SV2C: variants seen among roughly 807,000 people sequenced by gnomAD.
SV2C encodes the protein synaptic vesicle glycoprotein 2C.
In SV2C, 49 loss-of-function variants were observed where a neutral mutation model predicts 79.7. That is an observed-to-expected ratio of 0.61 (90% CI 0.49 to 0.78). The LOEUF (loss-of-function observed/expected upper bound fraction) is 0.78, where lower values mean the gene tolerates loss of function less well. Among genes scored for constraint, SV2C ranks in the 30% least tolerant of loss-of-function variants. SV2C has a pLI of 0.00. For missense variants in SV2C, 833 were observed against 912.9 expected (o/e 0.91, Z 1.13); for synonymous variants, 334 against 333.2 (o/e 1.00, Z -0.03).
At chr5:75,948,992 C>A in the SV2C span, among the ~76,000 whole-genome samples, 1 of 151,810 alleles carries the variant, frequency 6.6e-6, no homozygotes, top group Non-Finnish European at 1.5e-5. Flanking sequence ...GGAGATGGAG[C>A]CTGGTGGGAG....
At chr5:75,945,480 T>C in the SV2C span, among the ~76,000 whole-genome samples, 1 of 151,348 alleles carries the variant, frequency 6.6e-6, no homozygotes. Flanking sequence ...CCAAGCTAAT[T>C]ATTATTATTA....
intron 2 of SV2C, among the ~76,000 whole-genome samples, chr5:76,179,551 G>A (rs1054459652): frequency 3.3e-5 from 5 of 152,220 alleles, no homozygotes; most frequent in Admixed American, 6.5e-5. Flanking sequence ...AACAGCTTCA[G>A]TACTGTAGGT....
the SV2C span, among the ~76,000 whole-genome samples, chr5:75,956,306 A>G: frequency 6.8e-6 from 1 of 147,602 alleles, no homozygotes; most frequent in Admixed American, 6.8e-5. Context: ...ACAAAAAACC[A>G]AACACTGCAT....
intron 1 of SV2C, among the ~76,000 whole-genome samples, chr5:76,090,447 A>G (rs998998955): frequency 1.3e-5 from 2 of 152,144 alleles, no homozygotes; most frequent in African/African-American, 2.4e-5. Flanking sequence ...CCTGAGATGC[A>G]TGGCTTATAA....
Position 76,133,367 on chromosome 5 carries a change from A to G in SV2C, c.580+1037A>G, listed in dbSNP as rs377031040. On this transcript the variant is annotated intron_variant, in intron 2 of 12. Coordinates refer to ENST00000502798, the MANE Select transcript of SV2C (RefSeq NM_014979.4). ...AAAGCTTCAAAAACAAAAGTATACA[A>G]TTCTTGAAAACTAGTAACTTTATTA... 5.3e-5 allele frequency among the ~76,000 whole-genome samples: 8 copies of G among 152,336 alleles called. No homozygotes were observed. The East Asian group carries it at 9.6e-4, about 18-fold the overall frequency.
chr5:76,296,144 A>AT (rs951225181), intron 9 of SV2C: 3 of 394,570 alleles, frequency 7.6e-6, no homozygotes, highest in African/African-American at 2.1e-5. Flanking sequence ...ACTTAAAACT[A>AT]TTTTTGCAGC....
chr5:76,050,569 G>C, the SV2C span, among the ~76,000 whole-genome samples: 1 of 151,936 alleles, frequency 6.6e-6, no homozygotes, highest in African/African-American at 2.4e-5. Context: ...TCTAATTCTT[G>C]ATCTCTCTCT....
chr5:76,063,688 C>A, the SV2C span, among the ~76,000 whole-genome samples: 51 of 152,226 alleles, frequency 3.4e-4, 1 homozygote, highest in East Asian at 8.3e-3. Flanking sequence ...GATTCCTTTT[C>A]CAATTGAATT....
chr5:76,057,835 G>A, the SV2C span, among the ~76,000 whole-genome samples: 3 of 152,120 alleles, frequency 2.0e-5, no homozygotes, highest in South Asian at 6.2e-4. Flanking sequence ...TTTGATCAAG[G>A]TTTATGGCCA....
chr5:75,865,253 C>G, the SV2C span, among the ~76,000 whole-genome samples: 1 of 152,182 alleles, frequency 6.6e-6, no homozygotes, highest in Non-Finnish European at 1.5e-5. Context: ...AAAGATGGAA[C>G]AGTCCATCTG....
chr5:76,177,760 G>C (rs1200425717), intron 2 of SV2C, among the ~76,000 whole-genome samples: 1 of 152,034 alleles, frequency 6.6e-6, no homozygotes, highest in Non-Finnish European at 1.5e-5. Flanking sequence ...GGCTTGGCTA[G>C]GTGATTCTTC....
rs186875955 is a variant in SV2C, at chr5:76,100,949, G to A, written c.-102+17437G>A. On this transcript the variant is annotated intron_variant, in intron 1 of 12. Transcript: ENST00000502798. ...AAAATGTTTCCAAATATTTCCACAC[G>A]TCCCCAAGGCTGGGGGTTGGGGGGA... Among the ~76,000 whole-genome samples, 11 of 152,232 alleles carry A rather than the reference G, an allele frequency of 7.2e-5. No individual in the cohort carries two copies. The South Asian group carries it at 1.0e-3, about 14-fold the overall frequency.
the SV2C span, among the ~76,000 whole-genome samples, chr5:75,864,456 A>AT: frequency 6.6e-6 from 1 of 152,206 alleles, no homozygotes; most frequent in Non-Finnish European, 1.5e-5. Flanking sequence ...AGAATCACAG[A>AT]TCCCCAGAGA....
the SV2C span, among the ~76,000 whole-genome samples, chr5:75,961,932 G>A: frequency 6.6e-6 from 1 of 152,026 alleles, no homozygotes; most frequent in Non-Finnish European, 1.5e-5. Context: ...AATATATAGT[G>A]TTCATGCTAT....
At chr5:75,999,837 T>C in the SV2C span, among the ~76,000 whole-genome samples, 2 of 152,108 alleles carry the variant, frequency 1.3e-5, no homozygotes, top group Admixed American at 6.5e-5. Flanking sequence ...TGTAAGATGG[T>C]GCCTTATTGT....
At chr5:76,186,462 C>A (rs1461546311) in intron 2 of SV2C, among the ~76,000 whole-genome samples, 2 of 152,136 alleles carry the variant, frequency 1.3e-5, no homozygotes, top group African/African-American at 4.8e-5. Flanking sequence ...GAGGCCAAGG[C>A]AGGCAGATCA....
chr5:75,932,487 CACAA>C, the SV2C span, among the ~76,000 whole-genome samples: 1 of 152,196 alleles, frequency 6.6e-6, no homozygotes, highest in African/African-American at 2.4e-5. Flanking sequence ...AGCTGAGAGC[CACAA>C]ACAGTTTGAC....
chr5:76,205,787 G>A lies in SV2C; in HGVS notation c.762-3949G>A, dbSNP rs568153694. On this transcript the variant is annotated intron_variant, in intron 3 of 12. Coordinates refer to ENST00000502798, the MANE Select transcript of SV2C (RefSeq NM_014979.4). ...ACTGCAAAACTTTCCCAACCCTAGCGCTATTAATATTTTGGACTGGATAGT... is the reference window on the plus strand; with the variant it reads ...ACTGCAAAACTTTCCCAACCCTAGCACTATTAATATTTTGGACTGGATAGT... Among the ~76,000 whole-genome samples the A allele has an allele frequency of 5.3e-5, 8 of 152,132 alleles. No homozygotes were observed. In the South Asian group the frequency reaches 1.0e-3, roughly 20 times the overall value.
At chr5:76,270,577 G>A (rs190853176) in intron 4 of SV2C, among the ~76,000 whole-genome samples, 1 of 152,274 alleles carries the variant, frequency 6.6e-6, no homozygotes, top group Admixed American at 6.5e-5. Context: ...TTGAAACAAG[G>A]TAATACAAAA....
Sources: allele counts gnomAD v4.1 joint callset (sites outside exome capture counted in the v4.1 genomes callset), GRCh38; gene constraint gnomAD v4.1.1; transcripts MANE v1.5; gene names NCBI Gene and HGNC (gene_info 2026-07-23, HGNC 2026-07-21).